NALF1: variants seen among roughly 807,000 people sequenced by gnomAD.
The protein encoded by NALF1 is NALCN channel auxiliary factor 1.
NALF1 carries 3 observed loss-of-function variants against 48.4 expected under a neutral mutation model. The ratio of observed to expected loss-of-function variants is 0.06; its 90% CI spans 0.03 to 0.16. The LOEUF (loss-of-function observed/expected upper bound fraction) is 0.16. Ranked by LOEUF, NALF1 falls within the 10% of genes least tolerant of loss-of-function variation. The probability of loss-of-function intolerance (pLI) is 1.00; values close to 1 mark genes in which losing one functional copy is unlikely to be tolerated. For missense variants in NALF1, 526 were observed against 571.5 expected (o/e 0.92, Z 0.81); for synonymous variants, 262 against 245.7 (o/e 1.07, Z -0.62).
chr13:107,374,685 C>T (rs1480707191), intron 1 of NALF1, among the ~76,000 whole-genome samples: 2 of 152,010 alleles, frequency 1.3e-5, no homozygotes, highest in Non-Finnish European at 2.9e-5. Context: ...TGTTGGGAGG[C>T]GGGTTGTAAT....
chr13:107,369,136 T>C (rs1035661334), intron 1 of NALF1, among the ~76,000 whole-genome samples: 2 of 152,230 alleles, frequency 1.3e-5, no homozygotes, highest in African/African-American at 2.4e-5. Flanking sequence ...TAGCCCCTTA[T>C]GTACTACTCT....
chr13:107,730,637 A>G (rs1237275989), intron 1 of NALF1, among the ~76,000 whole-genome samples: 1 of 152,218 alleles, frequency 6.6e-6, no homozygotes, highest in African/African-American at 2.4e-5. Flanking sequence ...AACAATTTTT[A>G]CATCACATGG....
rs138240582 is a variant in NALF1, at chr13:107,739,743, C to T, written c.915+125939G>A. Among the ~76,000 whole-genome samples the T allele has an allele frequency of 4.0e-3, 616 of 152,296 alleles. 4 individuals are homozygous for T. The highest frequency in any genetic ancestry group is 0.014 in the African/African-American group (585 of 41,568). On this transcript the variant is annotated intron_variant, in intron 1 of 2. Transcript: ENST00000375915. Reference sequence around the variant, plus strand: ...AGCAGGTGAGCAGTGGGTGAGCGAGCGGAACTTCATCTGTATTTCCAGCTG... The same window carrying T: ...AGCAGGTGAGCAGTGGGTGAGCGAGTGGAACTTCATCTGTATTTCCAGCTG...
At chr13:107,491,998 T>C (rs1000754983) in intron 1 of NALF1, among the ~76,000 whole-genome samples, 11 of 151,088 alleles carry the variant, frequency 7.3e-5, no homozygotes, top group African/African-American at 2.4e-4. Flanking sequence ...AGGCTCCAAA[T>C]GTACACGTGT....
chr13:107,780,722 A>C (rs1877864045), intron 1 of NALF1, among the ~76,000 whole-genome samples: 1 of 152,024 alleles, frequency 6.6e-6, no homozygotes, highest in Non-Finnish European at 1.5e-5. Context: ...ATCTGAGGTC[A>C]GGAGTTTGAG....
chr13:107,624,968 C>A (rs897608652), intron 1 of NALF1, among the ~76,000 whole-genome samples: 1 of 152,170 alleles, frequency 6.6e-6, no homozygotes, highest in African/African-American at 2.4e-5. Context: ...AATCTCTATT[C>A]TTATGCACAG....
intron 1 of NALF1, among the ~76,000 whole-genome samples, chr13:107,279,025 CTTTTCT>C (rs1408593807): frequency 2.3e-4 from 33 of 140,780 alleles, no homozygotes; most frequent in African/African-American, 7.8e-4. Context: ...CAGGTCTTTC[CTTTTCT>C]TTTCTTTTCT....
At chr13:107,708,265 C>T (rs950425184) in intron 1 of NALF1, among the ~76,000 whole-genome samples, 1 of 152,088 alleles carries the variant, frequency 6.6e-6, no homozygotes, top group Non-Finnish European at 1.5e-5. Flanking sequence ...TACAACTGTC[C>T]CTTTAAGTCA....
chr13:107,608,864 G>A (rs1879144932), intron 1 of NALF1, among the ~76,000 whole-genome samples: 1 of 152,196 alleles, frequency 6.6e-6, no homozygotes, highest in African/African-American at 2.4e-5. Context: ...AGGAAGGCAG[G>A]TGAGGTTAAG....
At chr13:107,515,590 A>G (rs1210107519) in intron 1 of NALF1, among the ~76,000 whole-genome samples, 1 of 152,202 alleles carries the variant, frequency 6.6e-6, no homozygotes, top group Non-Finnish European at 1.5e-5. Context: ...TCATATTCTT[A>G]TCTGTTCTCA....
intron 1 of NALF1, among the ~76,000 whole-genome samples, chr13:107,553,449 T>A (rs1877357742): frequency 6.6e-6 from 1 of 152,222 alleles, no homozygotes; most frequent in Admixed American, 6.5e-5. Flanking sequence ...GTATATAATA[T>A]GTTCCAGGAA....
chr13:107,579,702 T>C (rs1179799394), intron 1 of NALF1, among the ~76,000 whole-genome samples: 1 of 152,136 alleles, frequency 6.6e-6, no homozygotes, highest in Non-Finnish European at 1.5e-5. Context: ...CTTTAAGTTT[T>C]AGGGTACATG....
At chr13:107,515,617 G>C (rs1344452995) in intron 1 of NALF1, among the ~76,000 whole-genome samples, 1 of 152,112 alleles carries the variant, frequency 6.6e-6, no homozygotes, top group Non-Finnish European at 1.5e-5. Context: ...ATAATAACCA[G>C]GTATTCTTAC....
At position 107,570,394 on chromosome 13, in the gene NALF1, AT is replaced by A. The variant is rs1594135185; in HGVS notation, c.915+295287del. 3.3e-5 allele frequency among the ~76,000 whole-genome samples: 5 copies of A among 152,070 alleles called. No individual in the cohort carries two copies. In the South Asian group the frequency reaches 1.0e-3, roughly 31 times the overall value. On this transcript the variant is annotated intron_variant, in intron 1 of 2. Coordinates refer to ENST00000375915, the MANE Select transcript of NALF1 (RefSeq NM_001080396.3). ...TCCTAGTATAATGACAATTTTTATC[AT>A]AAACACGTACTGAATTTTGTCAAAT...
intron 1 of NALF1, among the ~76,000 whole-genome samples, chr13:107,367,099 C>T (rs551303584): frequency 8.5e-5 from 13 of 152,130 alleles, no homozygotes; most frequent in South Asian, 2.1e-4. Flanking sequence ...CGCAGAAAAG[C>T]GAAAAGTAAG....
chr13:107,710,119 G>A (rs1875519412), intron 1 of NALF1, among the ~76,000 whole-genome samples: 1 of 142,028 alleles, frequency 7.0e-6, no homozygotes, highest in Admixed American at 7.1e-5. Flanking sequence ...AGTTTCTTAA[G>A]AGAAAATACA....
intron 1 of NALF1, among the ~76,000 whole-genome samples, chr13:107,548,128 C>T (rs552438789): frequency 6.6e-6 from 1 of 152,206 alleles, no homozygotes; most frequent in Admixed American, 6.5e-5. Context: ...CCTCCTCCCA[C>T]CCTCCATCCT....
chr13:107,420,668 C>T (rs965221602), intron 1 of NALF1, among the ~76,000 whole-genome samples: 4 of 152,086 alleles, frequency 2.6e-5, no homozygotes, highest in African/African-American at 9.7e-5. Context: ...TAGGAAGAAG[C>T]AATCATACAT....
In NALF1 at chr13:107,429,985, T is replaced by C. The variant is rs117430768; in HGVS notation, c.916-219230A>G. On this transcript the variant is annotated intron_variant, in intron 1 of 2. Transcript: ENST00000375915. ...TATACAAACACATAACCTATGAGAC[T>C]GCTTAACTTTCCTATACAAGAGCTG... is the stretch of plus-strand genomic sequence containing the variant. Among the ~76,000 whole-genome samples, 405 of 152,332 alleles carry C rather than the reference T, an allele frequency of 2.7e-3. 1 individual carries two copies. The highest frequency in any genetic ancestry group is 4.1e-3 in the Non-Finnish European group (279 of 68,030).
Sources: gnomAD v4.1 joint callset for allele counts (sites outside exome capture counted in the v4.1 genomes callset) on GRCh38, gnomAD v4.1.1 for gene constraint, MANE v1.5 for transcripts, NCBI Gene and HGNC (gene_info 2026-07-23, HGNC 2026-07-21) for gene names.